Variants in NREP observed in about 807,000 individuals in gnomAD.
The protein encoded by NREP is neuronal regeneration-related protein.
Under a neutral mutation model 8.6 loss-of-function variants are expected in NREP, and 5 were observed. The ratio of observed to expected loss-of-function variants is 0.58; its 90% CI spans 0.30 to 1.22. The LOEUF (loss-of-function observed/expected upper bound fraction) is 1.22, where lower values mean the gene tolerates loss of function less well. Ranked by LOEUF, NREP falls within the 50% of genes most tolerant of loss-of-function variation. The pLI, the probability that NREP is intolerant of heterozygous loss-of-function variation, is 0.07. For missense variants in NREP, 86 were observed against 82.5 expected, an observed-to-expected ratio of 1.04 and a Z score of -0.17; for synonymous variants, 27 against 28.0, an observed-to-expected ratio of 0.96 and a Z score of 0.11.
chr5:111,756,088 G>C (rs1750685422), intron 1 of NREP: 1 of 1,160,198 alleles, frequency 8.6e-7, no homozygotes, highest in Non-Finnish European at 1.1e-6. Context: ...TCTTTAAATT[G>C]CATGAGTTCA....
intron 2 of NREP, among the ~76,000 whole-genome samples, chr5:111,940,755 C>A (rs1755806911): frequency 6.6e-6 from 1 of 152,024 alleles, no homozygotes; most frequent in African/African-American, 2.4e-5. Flanking sequence ...GCCACTCTCA[C>A]TTCTGGTACT....
intron 2 of NREP, among the ~76,000 whole-genome samples, chr5:111,961,243 G>A (rs80231419): frequency 0.1 from 15,240 of 152,218 alleles, 1,191 homozygotes; most frequent in African/African-American, 0.21. Flanking sequence ...ATTTGTAAGC[G>A]GGACAGAAAC....
At chr5:111,797,445 G>C (rs751366874) in intron 2 of NREP, among the ~76,000 whole-genome samples, 25 of 152,192 alleles carry the variant, frequency 1.6e-4, no homozygotes, top group Non-Finnish European at 2.9e-4. Context: ...AAAATTTGGA[G>C]CAAGAGCACA....
At chr5:111,861,568 C>T (rs1251165041) in intron 2 of NREP, among the ~76,000 whole-genome samples, 1 of 152,026 alleles carries the variant, frequency 6.6e-6, no homozygotes, top group African/African-American at 2.4e-5. Context: ...CAGAAGGAGC[C>T]ATAACAAACA....
intron 2 of NREP, among the ~76,000 whole-genome samples, chr5:111,956,483 T>G (rs1347670439): frequency 1.3e-5 from 2 of 151,442 alleles, no homozygotes; most frequent in Non-Finnish European, 2.9e-5. Flanking sequence ...TAAAAAAAAT[T>G]TCCAAAATGA....
chr5:111,730,697 G>C lies in NREP; in HGVS notation c.*224C>G. 2.1e-6 allele frequency: 1 copy of C among 485,460 alleles called. No individual in the cohort carries two copies. Among genetic ancestry groups the C allele is most frequent in the Non-Finnish European group, 3.6e-6 (1 of 277,142 alleles). The allele number at this position is 485,460 out of a possible 1,614,324, so 30.1% of individuals were successfully genotyped here. A position where few individuals can be genotyped will look rare whatever the true frequency, so the allele number is the denominator to read the frequency against. ...AGGCCCACCTGTAAGGGTTGTAAAC[G>C]TGGATTCACAGTGTGAAATTCTGAG... On this transcript the variant is annotated 3_prime_UTR_variant, in exon 4 of 4. Transcript: ENST00000257435.
intron 2 of NREP, among the ~76,000 whole-genome samples, chr5:111,778,597 A>G (rs1318237490): frequency 1.3e-5 from 2 of 152,140 alleles, no homozygotes; most frequent in African/African-American, 4.8e-5. Flanking sequence ...CCCACACTCC[A>G]TTACATTTCT....
chr5:111,729,300 C>CAGTT (rs1460733121), downstream of NREP: 4 of 152,208 alleles, frequency 2.6e-5, no homozygotes, highest in East Asian at 1.9e-4. Flanking sequence ...CCAAATCAGA[C>CAGTT]AGTTACCTTA....
intron 2 of NREP, among the ~76,000 whole-genome samples, chr5:111,883,205 C>G (rs1270043540): frequency 6.6e-6 from 1 of 152,122 alleles, no homozygotes; most frequent in African/African-American, 2.4e-5. Flanking sequence ...GACTTTAAAC[C>G]AGCAAAGATC....
chr5:111,854,848 T>G (rs1415738635), intron 2 of NREP, among the ~76,000 whole-genome samples: 1 of 152,214 alleles, frequency 6.6e-6, no homozygotes, highest in Non-Finnish European at 1.5e-5. Context: ...CTTCCAGATC[T>G]TTACACACCC....
intron 2 of NREP, among the ~76,000 whole-genome samples, chr5:111,871,855 T>C (rs897269098): frequency 6.8e-6 from 1 of 147,928 alleles, no homozygotes; most frequent in African/African-American, 2.5e-5. Context: ...ACTATATATA[T>C]ATATATATTT....
chr5:111,964,854 G>GAAAAAAAAAAAAAAA (rs1756588392), intron 2 of NREP, among the ~76,000 whole-genome samples: 1 of 23,880 alleles, frequency 4.2e-5, no homozygotes, highest in African/African-American at 1.8e-4. Context: ...GCTTTCAGCA[G>GAAAAAAAAAAAAAAA]CAAAAAAAAA....
chr5:111,919,316 G>T (rs985527610), intron 2 of NREP, among the ~76,000 whole-genome samples: 1 of 152,092 alleles, frequency 6.6e-6, no homozygotes, highest in African/African-American at 2.4e-5. Context: ...ACAGCATGGC[G>T]ATTCCTCAAG....
intron 2 of NREP, among the ~76,000 whole-genome samples, chr5:111,740,258 G>C (rs1194055617): frequency 6.6e-6 from 1 of 151,976 alleles, no homozygotes; most frequent in East Asian, 1.9e-4. Flanking sequence ...AGATATCCTT[G>C]ATCAATTCTT....
At chr5:111,947,293 TTTA>T (rs1388300068) in intron 2 of NREP, among the ~76,000 whole-genome samples, 12 of 152,022 alleles carry the variant, frequency 7.9e-5, no homozygotes, top group Non-Finnish European at 1.8e-4. Flanking sequence ...TGATTCAGAT[TTTA>T]TTAATTCAGA....
At chr5:111,755,997 C>T (rs1750679977) in intron 1 of NREP, 167 bp from the exon 2 acceptor site, 1 of 1,407,926 alleles carries the variant, frequency 7.1e-7, no homozygotes, top group African/African-American at 1.4e-5. Flanking sequence ...TTCCAAGTGG[C>T]CTATAGGCTT....
chr5:111,842,929 T>C (rs1026025547), intron 2 of NREP, among the ~76,000 whole-genome samples: 5 of 152,198 alleles, frequency 3.3e-5, no homozygotes, highest in Non-Finnish European at 7.3e-5. Context: ...CGGATAGTTT[T>C]TTAGAGGTTC....
intron 2 of NREP, among the ~76,000 whole-genome samples, chr5:111,826,328 C>G (rs948610498): frequency 6.6e-6 from 1 of 152,150 alleles, no homozygotes; most frequent in Non-Finnish European, 1.5e-5. Context: ...GCAGGCCACG[C>G]GTCACCACTG....
intron 2 of NREP, among the ~76,000 whole-genome samples, chr5:111,917,545 C>T (rs1434824470): frequency 2.0e-5 from 3 of 152,170 alleles, no homozygotes. Context: ...GGATGCAAGT[C>T]TTATTCAACA....
Sources: allele counts gnomAD v4.1 joint callset (sites outside exome capture counted in the v4.1 genomes callset), GRCh38; gene constraint gnomAD v4.1.1; transcripts MANE v1.5; gene names NCBI Gene and HGNC (gene_info 2026-07-23, HGNC 2026-07-21).